Variants in PAMR1 observed in about 807,000 individuals in gnomAD.
PAMR1 encodes inactive serine protease PAMR1.
Under a neutral mutation model 81.8 loss-of-function variants are expected in PAMR1, and 88 were observed. The observed-to-expected ratio is 1.08, with a 90% CI of 0.91 to 1.28. The LOEUF (loss-of-function observed/expected upper bound fraction) is 1.28, where lower values mean the gene tolerates loss of function less well. PAMR1 is among the 50% of genes most tolerant of loss of function. The pLI is 0.00. For missense variants in PAMR1, 935 were observed against 919.7 expected, an observed-to-expected ratio of 1.02 and a Z score of -0.21; for synonymous variants, 336 against 345.3, an observed-to-expected ratio of 0.97 and a Z score of 0.30.
intron 1 of PAMR1, among the ~76,000 whole-genome samples, chr11:35,499,171 A>G (rs979510111): frequency 6.6e-6 from 1 of 152,202 alleles, no homozygotes; most frequent in African/African-American, 2.4e-5. Flanking sequence ...ATGAGCCAGG[A>G]GAGCCAGCTT....
chr11:35,478,201 A>T (rs1367739371), intron 3 of PAMR1, among the ~76,000 whole-genome samples: 1 of 152,126 alleles, frequency 6.6e-6, no homozygotes, highest in Non-Finnish European at 1.5e-5. Flanking sequence ...GGCGGTGCTC[A>T]TCCCCATTTA....
chr11:35,441,567 T>C lies in PAMR1; in HGVS notation c.947A>G (p.Asn316Ser), dbSNP rs1173360245. The C allele has an allele frequency of 6.2e-7, 1 of 1,613,942 alleles. No individual in the cohort carries two copies. The highest frequency in any genetic ancestry group is 8.5e-7 in the Non-Finnish European group (1 of 1,179,956). ...ATTGCCACTAAGAACATAGGAGTTG[T>C]TACAAAAGAAAGACACCACGGTGCC... ...KIGTVVSFFCNNSYVLSGNEK... is the reference protein window; with the variant it reads ...KIGTVVSFFCSNSYVLSGNEK... Residue 316 changes from asparagine to serine, a missense_variant, in exon 7 of 11, where the codon AAC becomes AGC. Asn to Ser is a conservative substitution (Grantham distance 46). Transcript: ENST00000619888.
At chr11:35,487,736 G>T (rs776680400) in intron 3 of PAMR1, among the ~76,000 whole-genome samples, 1 of 152,232 alleles carries the variant, frequency 6.6e-6, no homozygotes, top group Non-Finnish European at 1.5e-5. Context: ...CTCACCAGCA[G>T]GAGGCAGACT....
At chr11:35,520,063 T>C (rs1309338386) in intron 1 of PAMR1, among the ~76,000 whole-genome samples, 1 of 152,062 alleles carries the variant, frequency 6.6e-6, no homozygotes, top group Non-Finnish European at 1.5e-5. Flanking sequence ...TATACGGGAG[T>C]GCCTAGTGTT....
At chr11:35,504,971 T>C (rs1850924011) in intron 1 of PAMR1, among the ~76,000 whole-genome samples, 1 of 152,064 alleles carries the variant, frequency 6.6e-6, no homozygotes, top group South Asian at 2.1e-4. Flanking sequence ...CTACCACTTT[T>C]TTGATGTAGG....
At chr11:35,524,385 C>G (rs752867724) in intron 1 of PAMR1, among the ~76,000 whole-genome samples, 1 of 152,162 alleles carries the variant, frequency 6.6e-6, no homozygotes, top group Non-Finnish European at 1.5e-5. Context: ...TGTATCTCAG[C>G]TTTTCGTTGA....
At chr11:35,528,105 A>G (rs544398839), upstream of PAMR1, among the ~76,000 whole-genome samples, 4 of 152,202 alleles carry the variant, frequency 2.6e-5, no homozygotes, top group African/African-American at 9.6e-5. Flanking sequence ...TAAGTGATGA[A>G]CCTGAAGGAT....
chr11:35,451,567 TATGAGAACC>T (rs1856418873), intron 6 of PAMR1, among the ~76,000 whole-genome samples: 1 of 152,170 alleles, frequency 6.6e-6, no homozygotes, highest in Admixed American at 6.5e-5. Flanking sequence ...AATGGAGAAC[TATGAGAACC>T]ATTATTTGGT....
chr11:35,461,101 T>C (rs746813581), intron 6 of PAMR1, among the ~76,000 whole-genome samples: 1 of 152,220 alleles, frequency 6.6e-6, no homozygotes, highest in South Asian at 2.1e-4. Context: ...CCTTAGTAGG[T>C]AGACAGTCCA....
intron 6 of PAMR1, among the ~76,000 whole-genome samples, chr11:35,464,484 G>A (rs565565422): frequency 6.6e-6 from 1 of 152,310 alleles, no homozygotes; most frequent in South Asian, 2.1e-4. Context: ...AGTGTAGGAT[G>A]TTTAGCAGCA....
intron 1 of PAMR1, among the ~76,000 whole-genome samples, chr11:35,521,072 A>T (rs1037635765): frequency 5.3e-5 from 8 of 152,198 alleles, no homozygotes; most frequent in Admixed American, 4.6e-4. Flanking sequence ...CCCATGTCTA[A>T]GGTGCTTTGT....
Position 35,487,092 on chromosome 11 carries a change from A to G in PAMR1, c.379+4953T>C, listed in dbSNP as rs1175540211. ...CTGATGGTTGCTGTCCCTTCTGCCTAAGCCCTGCAGCCTGGAGCACAACCA... is the reference window on the plus strand; with the variant it reads ...CTGATGGTTGCTGTCCCTTCTGCCTGAGCCCTGCAGCCTGGAGCACAACCA... On this transcript the variant is annotated intron_variant, in intron 3 of 10. Coordinates refer to ENST00000619888, the MANE Select transcript of PAMR1 (RefSeq NM_001001991.3). Among the ~76,000 whole-genome samples the G allele has an allele frequency of 3.3e-5, 5 of 152,146 alleles. No individual in the cohort carries two copies. In the East Asian group the frequency reaches 9.7e-4, roughly 29 times the overall value.
At chr11:35,500,628 A>G (rs531915986) in intron 1 of PAMR1, among the ~76,000 whole-genome samples, 1 of 152,342 alleles carries the variant, frequency 6.6e-6, no homozygotes, top group Non-Finnish European at 1.5e-5. Flanking sequence ...AAATAAAATT[A>G]CAGAAAGAAA....
chr11:35,500,072 C>T (rs140225440), intron 1 of PAMR1, among the ~76,000 whole-genome samples: 1 of 152,204 alleles, frequency 6.6e-6, no homozygotes, highest in African/African-American at 2.4e-5. Flanking sequence ...AAATAAACAG[C>T]TTCTCCTGTG....
chr11:35,449,075 T>C (rs1856356983), intron 6 of PAMR1, among the ~76,000 whole-genome samples: 1 of 151,814 alleles, frequency 6.6e-6, no homozygotes, highest in South Asian at 2.1e-4. Flanking sequence ...CTGTATGAGG[T>C]GTCTGGCCAC....
At position 35,449,587 on chromosome 11, in the gene PAMR1, A is replaced by C. The variant is rs149796285; in HGVS notation, c.821-7894T>G. ...CTGGACCAGCAGGGGAAAATGGCCA[A>C]CTGAAACCGCAGTGATGGCTGCCTC... On this transcript the variant is annotated intron_variant, in intron 6 of 10. Transcript: ENST00000619888. Among the ~76,000 whole-genome samples the C allele has an allele frequency of 4.3e-3, 648 of 152,250 alleles. 5 individuals are homozygous for C. The highest frequency in any genetic ancestry group is 0.015 in the African/African-American group (621 of 41,554).
intron 3 of PAMR1, among the ~76,000 whole-genome samples, chr11:35,478,998 G>A (rs1449227242): frequency 1.3e-5 from 2 of 152,168 alleles, no homozygotes; most frequent in Non-Finnish European, 2.9e-5. Flanking sequence ...CTACAGAACT[G>A]AAAGGAAATC....
chr11:35,516,102 T>G (rs113109737), intron 1 of PAMR1, among the ~76,000 whole-genome samples: 2 of 152,202 alleles, frequency 1.3e-5, no homozygotes. Flanking sequence ...ATTATCTCAT[T>G]TAATACCTGC....
At chr11:35,528,108 T>G (rs1851419795), upstream of PAMR1, among the ~76,000 whole-genome samples, 1 of 152,002 alleles carries the variant, frequency 6.6e-6, no homozygotes, top group Non-Finnish European at 1.5e-5. Context: ...GTGATGAACC[T>G]GAAGGATAGC....
Sources: gnomAD v4.1 joint callset for allele counts (sites outside exome capture counted in the v4.1 genomes callset) on GRCh38, gnomAD v4.1.1 for gene constraint, MANE v1.5 for transcripts, NCBI Gene and HGNC (gene_info 2026-07-23, HGNC 2026-07-21) for gene names.